ZNF385B: variants seen among roughly 807,000 people sequenced by gnomAD.
ZNF385B encodes zinc finger protein 533.
A neutral mutation model predicts 39.2 loss-of-function variants in ZNF385B; 23 were observed. The ratio of observed to expected loss-of-function variants is 0.59; its 90% CI spans 0.42 to 0.83. ZNF385B has a LOEUF of 0.83. Ranked by LOEUF, ZNF385B falls within the 40% of genes least tolerant of loss-of-function variation. The pLI, the probability that ZNF385B is intolerant of heterozygous loss-of-function variation, is 0.00. For synonymous variants in ZNF385B, 205 were observed against 222.6 expected, an observed-to-expected ratio of 0.92 and a Z score of 0.70; for missense variants, 552 against 598.9, an observed-to-expected ratio of 0.92 and a Z score of 0.82.
intron 3 of ZNF385B, among the ~76,000 whole-genome samples, chr2:179,561,405 AACCTAT>A (rs2061328202): frequency 6.6e-6 from 1 of 152,150 alleles, no homozygotes; most frequent in Non-Finnish European, 1.5e-5. Flanking sequence ...TTCTGGCTTT[AACCTAT>A]TCATTTTTTG....
intron 3 of ZNF385B, among the ~76,000 whole-genome samples, chr2:179,752,108 C>T (rs534907287): frequency 9.2e-5 from 14 of 152,150 alleles, no homozygotes; most frequent in South Asian, 6.2e-4. Flanking sequence ...CGACAGGCCC[C>T]GGTGTGTGAT....
chr2:179,696,998 C>A (rs1411182391), intron 3 of ZNF385B, among the ~76,000 whole-genome samples: 3 of 152,174 alleles, frequency 2.0e-5, no homozygotes, highest in Non-Finnish European at 4.4e-5. Flanking sequence ...AAGACCAAAA[C>A]AACATTCCCA....
rs367999315 is a variant in ZNF385B at position 179,639,787 on chromosome 2, C to T, written c.299-94818G>A. 7.6e-4 allele frequency among the ~76,000 whole-genome samples: 115 copies of T among 152,226 alleles called. 2 individuals carry two copies. The South Asian group carries it at 0.023, about 31-fold the overall frequency. ...AACCACTAGGGAAAAATCTGGGAAA[C>T]AGAATATTCACAAAGTTTCAAAGTA... On this transcript the variant is annotated intron_variant, in intron 3 of 9. Coordinates refer to ENST00000410066, the MANE Select transcript of ZNF385B (RefSeq NM_152520.6).
At chr2:179,670,380 GGGA>G (rs1392439961) in intron 3 of ZNF385B, among the ~76,000 whole-genome samples, 2 of 151,634 alleles carry the variant, frequency 1.3e-5, no homozygotes, top group African/African-American at 4.8e-5. Context: ...GTGTGGAATT[GGGA>G]GGAGATGTAC....
intron 4 of ZNF385B, among the ~76,000 whole-genome samples, chr2:179,543,754 G>A (rs2060064539): frequency 6.6e-6 from 1 of 152,054 alleles, no homozygotes; most frequent in Non-Finnish European, 1.5e-5. Flanking sequence ...CAAGGCCAGT[G>A]CTCTGTAAAA....
chr2:179,822,785 C>A (rs1707477397), intron 1 of ZNF385B, among the ~76,000 whole-genome samples: 1 of 152,148 alleles, frequency 6.6e-6, no homozygotes, highest in Non-Finnish European at 1.5e-5. Context: ...AAGAATTATT[C>A]TTTGCACACA....
chr2:179,633,473 A>T (rs1691436079), intron 3 of ZNF385B, among the ~76,000 whole-genome samples: 1 of 152,174 alleles, frequency 6.6e-6, no homozygotes, highest in Non-Finnish European at 1.5e-5. Flanking sequence ...CTCAATAGAT[A>T]CAGAAAAGGC....
chr2:179,813,100 G>T (rs192574584), intron 1 of ZNF385B, among the ~76,000 whole-genome samples: 1 of 151,986 alleles, frequency 6.6e-6, no homozygotes, highest in Non-Finnish European at 1.5e-5. Flanking sequence ...CTTTATTGAC[G>T]TACTGATAAA....
intron 1 of ZNF385B, among the ~76,000 whole-genome samples, chr2:179,781,706 A>G (rs1047730795): frequency 1.4e-4 from 21 of 152,310 alleles, no homozygotes; most frequent in African/African-American, 4.3e-4. Context: ...CTCTATATAC[A>G]CAAAGTAGAA....
chr2:179,537,654 T>C (rs538211725), intron 4 of ZNF385B, among the ~76,000 whole-genome samples: 5 of 152,070 alleles, frequency 3.3e-5, no homozygotes, highest in South Asian at 4.1e-4. Context: ...CGCAGAAGAA[T>C]AGCTTGAATC....
chr2:179,785,063 A>C (rs1281258107), intron 1 of ZNF385B, among the ~76,000 whole-genome samples: 1 of 152,124 alleles, frequency 6.6e-6, no homozygotes, highest in Non-Finnish European at 1.5e-5. Flanking sequence ...GTATTTACCC[A>C]TTCACAGAAT....
intron 4 of ZNF385B, among the ~76,000 whole-genome samples, chr2:179,532,428 G>A (rs1310615945): frequency 6.6e-6 from 1 of 152,080 alleles, no homozygotes; most frequent in African/African-American, 2.4e-5. Context: ...ACAATGAAGA[G>A]AAACCTACAT....
At chr2:179,446,284 T>C (rs1331001609) in intron 7 of ZNF385B, among the ~76,000 whole-genome samples, 1 of 152,188 alleles carries the variant, frequency 6.6e-6, no homozygotes, top group Non-Finnish European at 1.5e-5. Context: ...AAATGAGTTT[T>C]GGACAGTATT....
In ZNF385B at chr2:179,493,691, A is replaced by ATGTGTATATGTATATATG. The variant is rs1559336744; in HGVS notation, c.553-10258_553-10257insCATATATACATATACACA. Among the ~76,000 whole-genome samples the ATGTGTATATGTATATATG allele has an allele frequency of 2.5e-4, 28 of 112,090 alleles. 1 individual carries two copies. Among genetic ancestry groups the ATGTGTATATGTATATATG allele is most frequent in the Non-Finnish European group, 5.0e-4 (26 of 51,560 alleles). 73.5% of individuals were successfully genotyped at this position (112,090 alleles called of 152,430 possible). A position where few individuals can be genotyped will look rare whatever the true frequency, so the allele number is the denominator to read the frequency against. ...TGCATATGCATATACATATACACAT[A>ATGTGTATATGTATATATG]TATACATATATGTATACACATATGC... On this transcript the variant is annotated intron_variant, in intron 5 of 9. Coordinates refer to ENST00000410066, the MANE Select transcript of ZNF385B (RefSeq NM_152520.6).
At chr2:179,779,261 G>C (rs1704525552) in intron 1 of ZNF385B, among the ~76,000 whole-genome samples, 1 of 152,200 alleles carries the variant, frequency 6.6e-6, no homozygotes, top group East Asian at 1.9e-4. Context: ...AAACACTGCA[G>C]GCAAAGGAGA....
intron 1 of ZNF385B, among the ~76,000 whole-genome samples, chr2:179,855,109 G>C (rs1369705015): frequency 6.6e-6 from 1 of 151,962 alleles, no homozygotes; most frequent in Non-Finnish European, 1.5e-5. Context: ...AAAAAAAGTG[G>C]AATATGGTCC....
intron 6 of ZNF385B, among the ~76,000 whole-genome samples, chr2:179,458,597 G>T (rs956854240): frequency 2.0e-5 from 3 of 152,128 alleles, no homozygotes; most frequent in African/African-American, 7.2e-5. Flanking sequence ...TCTGAAACCA[G>T]AGTAGAGGTC....
chr2:179,827,361 C>G (rs560115028), intron 1 of ZNF385B, among the ~76,000 whole-genome samples: 1 of 151,994 alleles, frequency 6.6e-6, no homozygotes, highest in Non-Finnish European at 1.5e-5. Context: ...AATTCTGTCC[C>G]GTAAGCAATA....
intron 1 of ZNF385B, among the ~76,000 whole-genome samples, chr2:179,800,983 T>A (rs1396454130): frequency 6.6e-6 from 1 of 152,118 alleles, no homozygotes; most frequent in Non-Finnish European, 1.5e-5. Flanking sequence ...AGTTTCCTAA[T>A]TGCTTCAAAA....
Sources: allele counts gnomAD v4.1 joint callset (sites outside exome capture counted in the v4.1 genomes callset), GRCh38; gene constraint gnomAD v4.1.1; transcripts MANE v1.5; gene names NCBI Gene and HGNC (gene_info 2026-07-23, HGNC 2026-07-21).